Variants in ST7L observed in about 807,000 individuals in gnomAD.
ST7L encodes suppressor of tumorigenicity 7 protein-like.
A neutral mutation model predicts 72.5 loss-of-function variants in ST7L; 57 were observed. The observed-to-expected ratio is 0.79, with a 90% CI of 0.64 to 0.98. The LOEUF is 0.98. Among genes scored for constraint, ST7L ranks in the 50% least tolerant of loss-of-function variants. The pLI is 0.00. For synonymous variants in ST7L, 221 were observed against 240.9 expected, an observed-to-expected ratio of 0.92 and a Z score of 0.77; for missense variants, 576 against 672.2, an observed-to-expected ratio of 0.86 and a Z score of 1.58.
At chr1:112,529,609 G>A (rs568362676) in intron 14 of ST7L, 1 of 152,208 alleles carries the variant, frequency 6.6e-6, no homozygotes, top group African/African-American at 2.4e-5. Flanking sequence ...GATAGGCATA[G>A]AGACAGAAGT....
chr1:112,582,936 ACTTTT>A (rs897468908), intron 7 of ST7L, among the ~76,000 whole-genome samples: 92 of 152,312 alleles, frequency 6.0e-4, no homozygotes, highest in African/African-American at 2.1e-3. Flanking sequence ...GCTAATGTAA[ACTTTT>A]CTTAACAGTG....
At position 112,542,233 on chromosome 1, in the gene ST7L, GAC is replaced by G. The variant is rs570652744; in HGVS notation, c.1490-145_1490-144del. 3.3e-4 allele frequency: 255 copies of G among 773,492 alleles called. No individual in the cohort carries two copies. The East Asian group carries it at 7.4e-3, about 22-fold the overall frequency. 47.9% of individuals were successfully genotyped at this position (773,492 alleles called of 1,614,324 possible). A position where few individuals can be genotyped will look rare whatever the true frequency, so the allele number is the denominator to read the frequency against. On this transcript the variant is annotated intron_variant, in intron 13 of 14. Transcript: ENST00000358039. ...AAGTCTCTGGCTAAGCAAGGTAGAA[GAC>G]AGTTATCCATTATTTATCCCAGCAT...
In ST7L at chr1:112,525,755, G is replaced by T; in HGVS notation, c.*258C>A. ...TCAACCCCAACAGCCCCTGTAAGTA[G>T]CCCTGGCCAAACAGAAAGGCTAAGC... On this transcript the variant is annotated 3_prime_UTR_variant, in exon 15 of 15. Transcript: ENST00000358039. 1 of 380,700 alleles carries T rather than the reference G, an allele frequency of 2.6e-6. No individual in the cohort carries two copies. The highest frequency in any genetic ancestry group is 4.7e-6 in the Non-Finnish European group (1 of 213,996). The allele number at this position is 380,700 out of a possible 1,614,324, so 23.6% of individuals were successfully genotyped here.
rs567601091 is a variant in ST7L, at chr1:112,551,138, C to CTTTTTTTTTTTTTTTTT, written c.1397-462_1397-446dup. 1.3e-4 allele frequency among the ~76,000 whole-genome samples: 10 copies of CTTTTTTTTTTTTTTTTT among 77,224 alleles called. 1 individual carries two copies. The highest frequency in any genetic ancestry group is 2.5e-4 in the African/African-American group (4 of 15,784). The allele number at this position is 77,224 out of a possible 152,430, so 50.7% of individuals were successfully genotyped here. On this transcript the variant is annotated intron_variant, in intron 12 of 14. Transcript: ENST00000358039. ...TCACCAAAGCTTTCTATGAGCAGAT[C>CTTTTTTTTTTTTTTTTT]TTTTTTTTTTTTTTTTTTTTTTTTT...
At chr1:112,529,158 GTGTGTGTGTT>G (rs1570842308) in intron 14 of ST7L, 1 of 152,122 alleles carries the variant, frequency 6.6e-6, no homozygotes, top group Non-Finnish European at 1.5e-5. Flanking sequence ...GGCACTGAGT[GTGTGTGTGTT>G]TGTGTGTTTG....
At chr1:112,583,182 A>G (rs1204120589) in intron 7 of ST7L, among the ~76,000 whole-genome samples, 2 of 152,210 alleles carry the variant, frequency 1.3e-5, no homozygotes, top group Non-Finnish European at 2.9e-5. Context: ...GGAGAAAAAC[A>G]TTATCCAAAT....
Position 112,582,069 on chromosome 1 carries a change from A to T in ST7L, c.992T>A (p.Ile331Asn). ...AAGTGATTCTAAGAGATTTTCATGG[A>T]TGTTCAACATGGTAAGAGGAGGAAA... ...KEFPPLTMLN[I>N]HENLLESLLE... The change falls in exon 9 of 15, where the codon ATC becomes AAC. Residue 331 changes from isoleucine to asparagine, a missense_variant. Ile to Asn is a moderately radical substitution (Grantham distance 149, BLOSUM62 -3). Coordinates refer to ENST00000358039, the MANE Select transcript of ST7L (RefSeq NM_017744.5). 6.2e-7 allele frequency: 1 copy of T among 1,613,268 alleles called. No homozygotes were observed. Among genetic ancestry groups the T allele is most frequent in the South Asian group, 1.1e-5 (1 of 91,038 alleles).
At chr1:112,588,798 G>GA (rs1665246673) in intron 6 of ST7L, among the ~76,000 whole-genome samples, 2 of 152,188 alleles carry the variant, frequency 1.3e-5, no homozygotes, top group Admixed American at 6.5e-5. Flanking sequence ...GTGCTCTTTT[G>GA]TTTTCAGCTA....
intron 6 of ST7L, among the ~76,000 whole-genome samples, chr1:112,590,314 G>A (rs1182733848): frequency 1.3e-5 from 2 of 152,136 alleles, no homozygotes; most frequent in African/African-American, 4.8e-5. Flanking sequence ...GTGAGGGATG[G>A]GGCCAGGATA....
chr1:112,615,470 T>C (rs149856177), intron 2 of ST7L, among the ~76,000 whole-genome samples: 106 of 152,306 alleles, frequency 7.0e-4, no homozygotes, highest in Admixed American at 3.2e-3. Context: ...AAACTGTAAG[T>C]TGAATTCATG....
chr1:112,589,968 T>G (rs986336695), intron 6 of ST7L, among the ~76,000 whole-genome samples: 11 of 152,242 alleles, frequency 7.2e-5, no homozygotes, highest in African/African-American at 2.7e-4. Flanking sequence ...CCCGAGACTT[T>G]GCTCACAAGC....
chr1:112,519,495 T>A (rs575752974), downstream of ST7L, among the ~76,000 whole-genome samples: 626 of 152,296 alleles, frequency 4.1e-3, no homozygotes, highest in Non-Finnish European at 6.4e-3. Flanking sequence ...AAAAGTCTAT[T>A]GATTTTATGA....
chr1:112,577,142 G>T, intron 10 of ST7L, 54 bp from the exon 11 acceptor site: 1 of 1,259,654 alleles, frequency 7.9e-7, no homozygotes, highest in Non-Finnish European at 1.1e-6. Flanking sequence ...AAGAAAAAAA[G>T]TATGAATTTA....
chr1:112,577,671 G>A (rs374039878), intron 10 of ST7L, among the ~76,000 whole-genome samples: 2 of 151,836 alleles, frequency 1.3e-5, no homozygotes, highest in South Asian at 4.1e-4. Flanking sequence ...CTTTAGGAAA[G>A]GTAATAAAGT....
chr1:112,537,867 G>A (rs755631236), intron 14 of ST7L, among the ~76,000 whole-genome samples: 17 of 152,276 alleles, frequency 1.1e-4, no homozygotes, highest in Admixed American at 7.2e-4. Flanking sequence ...CCACATAGCC[G>A]TATACCATGC....
rs543164519 is a variant in ST7L, at chr1:112,581,844, A to G, written c.1069+148T>C. On this transcript the variant is annotated intron_variant, in intron 9 of 14. Coordinates refer to ENST00000358039, the MANE Select transcript of ST7L (RefSeq NM_017744.5). ...GACTTTTGCTAATGAAAGTCCTGAT[A>G]AAGAAGATACTAAATAGCAACCTCT... The G allele has an allele frequency of 2.0e-3, 1,247 of 624,956 alleles. 5 individuals carry two copies. Among genetic ancestry groups the G allele is most frequent in the Admixed American group, 4.3e-3 (133 of 31,230 alleles). 38.7% of individuals were successfully genotyped at this position (624,956 alleles called of 1,614,324 possible).
chr1:112,612,813 T>C (rs1270116305), intron 2 of ST7L, among the ~76,000 whole-genome samples: 1 of 152,018 alleles, frequency 6.6e-6, no homozygotes, highest in Non-Finnish European at 1.5e-5. Context: ...ATTGAATAAA[T>C]CTTGGCTAAG....
At chr1:112,565,206 G>A (rs921360527) in intron 11 of ST7L, among the ~76,000 whole-genome samples, 11 of 134,348 alleles carry the variant, frequency 8.2e-5, no homozygotes, top group South Asian at 7.1e-4. Context: ...CACCATGTTC[G>A]GCTAATTTTT....
intron 5 of ST7L, among the ~76,000 whole-genome samples, chr1:112,595,488 A>G (rs12143068): frequency 0.24 from 35,751 of 151,540 alleles, 4,368 homozygotes; most frequent in Middle Eastern, 0.27. Context: ...CAGTGCCATC[A>G]TAGCTCACTG....
Sources: gnomAD v4.1 joint callset for allele counts (sites outside exome capture counted in the v4.1 genomes callset) on GRCh38, gnomAD v4.1.1 for gene constraint, MANE v1.5 for transcripts, NCBI Gene and HGNC (gene_info 2026-07-23, HGNC 2026-07-21) for gene names.